The following WDR20 variants were observed in gnomAD, a reference collection of about 807,000 sequenced individuals.
The protein encoded by WDR20 is WD repeat-containing protein 20.
A neutral mutation model predicts 38.7 loss-of-function variants in WDR20; 3 were observed. The observed-to-expected ratio is 0.08, with a 90% CI of 0.04 to 0.20. WDR20 has a LOEUF of 0.20. Among genes scored for constraint, WDR20 ranks in the 10% least tolerant of loss-of-function variants. The pLI is 1.00. For synonymous variants in WDR20, 298 were observed against 285.6 expected, an observed-to-expected ratio of 1.04 and a Z score of -0.44; for missense variants, 559 against 727.7, an observed-to-expected ratio of 0.77 and a Z score of 2.67.
intron 1 of WDR20, among the ~76,000 whole-genome samples, chr14:102,151,437 C>G (rs1216986498): frequency 1.3e-5 from 2 of 151,934 alleles, no homozygotes; most frequent in Non-Finnish European, 2.9e-5. Context: ...ACTTTGTAGC[C>G]CAGGCTGGAG....
intron 1 of WDR20, among the ~76,000 whole-genome samples, chr14:102,181,880 G>A (rs1000035258): frequency 2.0e-4 from 30 of 152,078 alleles, no homozygotes; most frequent in Non-Finnish European, 5.9e-5. Context: ...AAGTGGGTTG[G>A]CCTGCTAACC....
At chr14:102,212,463 G>T, downstream of WDR20, 1 of 1,530,418 alleles carries the variant, frequency 6.5e-7, no homozygotes, top group African/African-American at 1.4e-5. Context: ...GGCCCTGCAG[G>T]GCGACACCAC....
At chr14:102,184,489 G>T (rs2064103384) in intron 1 of WDR20, among the ~76,000 whole-genome samples, 2 of 152,100 alleles carry the variant, frequency 1.3e-5, no homozygotes, top group East Asian at 3.9e-4. Flanking sequence ...TTGACTGAGG[G>T]TGCTAGGCCA....
At chr14:102,152,344 CAT>C (rs936233547) in intron 1 of WDR20, among the ~76,000 whole-genome samples, 30 of 151,756 alleles carry the variant, frequency 2.0e-4, no homozygotes, top group Admixed American at 9.9e-4. Context: ...TTATTAATAA[CAT>C]ATTAATCATG....
At chr14:102,151,292 G>A (rs892091740) in intron 1 of WDR20, among the ~76,000 whole-genome samples, 1 of 150,538 alleles carries the variant, frequency 6.6e-6, no homozygotes. Flanking sequence ...CCTCTTACAC[G>A]AGCTTTTCTG....
At chr14:102,143,931 C>T (rs866454758) in intron 1 of WDR20, among the ~76,000 whole-genome samples, 22 of 151,866 alleles carry the variant, frequency 1.4e-4, no homozygotes, top group South Asian at 1.3e-3. Context: ...AATCCCAGCA[C>T]TTTGGGAGAC....
intron 1 of WDR20, among the ~76,000 whole-genome samples, chr14:102,164,249 C>T (rs925216530): frequency 6.6e-6 from 1 of 152,120 alleles, no homozygotes; most frequent in Non-Finnish European, 1.5e-5. Context: ...TATTGACTTC[C>T]CAGCCACTTT....
chr14:102,199,063 C>T (rs1464439960), intron 2 of WDR20, among the ~76,000 whole-genome samples: 4 of 152,048 alleles, frequency 2.6e-5, no homozygotes, highest in African/African-American at 9.7e-5. Context: ...GGTCTGAGGC[C>T]TGATTATACT....
rs71395660 is a variant in WDR20 at position 102,200,467 on chromosome 14, TTGTGTGTGTGTGTGTG to T, written c.432+5373_432+5388del. Among the ~76,000 whole-genome samples the T allele has an allele frequency of 1.1e-3, 125 of 117,772 alleles. No individual in the cohort carries two copies. In the Middle Eastern group the frequency reaches 0.014, roughly 13 times the overall value. The allele number at this position is 117,772 out of a possible 152,430, so 77.3% of individuals were successfully genotyped here. Reference sequence around the variant, plus strand: ...GAGTTTACTTTTTAAATTTTTTTTTTTGTGTGTGTGTGTGTGTGTGTGTGTGTGTGTGTGTGTGTGT... The same window carrying T: ...GAGTTTACTTTTTAAATTTTTTTTTTTGTGTGTGTGTGTGTGTGTGTGTGT... On this transcript the variant is annotated intron_variant, in intron 2 of 2. Transcript: ENST00000342702.
chr14:102,183,358 G>A (rs1236901720), intron 1 of WDR20, among the ~76,000 whole-genome samples: 1 of 152,200 alleles, frequency 6.6e-6, no homozygotes, highest in African/African-American at 2.4e-5. Flanking sequence ...TTGGCCACTT[G>A]TTTTAGTAGC....
chr14:102,180,392 A>C (rs1412148027), intron 1 of WDR20, among the ~76,000 whole-genome samples: 1 of 151,838 alleles, frequency 6.6e-6, no homozygotes, highest in African/African-American at 2.4e-5. Flanking sequence ...GCTCTTAACC[A>C]CTCTTTAGAG....
At chr14:102,180,133 A>C (rs1444797925) in intron 1 of WDR20, among the ~76,000 whole-genome samples, 2 of 152,206 alleles carry the variant, frequency 1.3e-5, no homozygotes, top group East Asian at 3.8e-4. Context: ...CGACATAGCA[A>C]GACTGTCTCA....
chr14:102,209,669 A>G lies in WDR20; in HGVS notation c.1499A>G (p.Lys500Arg). ...KSSDKLNLVT[K>R]TKTDPAKTLG... The stretch of plus-strand genomic sequence containing the variant: ...AGTGACAAACTGAATCTAGTTACCA[A>G]AACCAAAACGGACCCTGCTAAAACT... Residue 500 changes from lysine (K) to arginine (R), a missense_variant, in exon 3 of 3, where the codon AAA becomes AGA. Transcript: ENST00000342702. This position sits in a 1 kb window ranked among gnomAD's most constrained non-coding sequence, Gnocchi z 6.0. The G allele has an allele frequency of 1.2e-6, 2 of 1,614,174 alleles. No homozygotes were observed. The highest frequency in any genetic ancestry group is 2.2e-5 in the South Asian group (2 of 91,080).
chr14:102,163,162 G>A (rs949599892), intron 1 of WDR20, among the ~76,000 whole-genome samples: 6 of 152,098 alleles, frequency 3.9e-5, no homozygotes, highest in Admixed American at 3.9e-4. Context: ...TGAGGGAGTG[G>A]GTTAGTTATT....
At chr14:102,174,538 G>A (rs1489934752) in intron 1 of WDR20, among the ~76,000 whole-genome samples, 1 of 152,152 alleles carries the variant, frequency 6.6e-6, no homozygotes, top group African/African-American at 2.4e-5. Context: ...TCCTGTCTCA[G>A]CCTCCCGAGT....
chr14:102,214,625 ATTG>A (rs1489538008), downstream of WDR20: 9 of 985,004 alleles, frequency 9.1e-6, no homozygotes, highest in Middle Eastern at 1.0e-3. Flanking sequence ...TTTATTAGAG[ATTG>A]TTATGTTAGG....
In WDR20 at chr14:102,195,132, CCT is replaced by C. The variant is rs370321551; in HGVS notation, c.432+13_432+14del. On this transcript the variant is annotated intron_variant, in intron 2 of 2. Coordinates refer to ENST00000342702, the MANE Select transcript of WDR20 (RefSeq NM_144574.4). ...TTTTTAATGAGGAAGTAAGTAGCACCCTGTCTTAGCTGTTAAGAATCCCTTTA... is the reference window on the plus strand; with the variant it reads ...TTTTTAATGAGGAAGTAAGTAGCACCGTCTTAGCTGTTAAGAATCCCTTTA... The C allele has an allele frequency of 4.2e-4, 685 of 1,612,926 alleles. 2 individuals carry two copies. In the East Asian group the frequency reaches 0.014, roughly 32 times the overall value.
At chr14:102,169,538 CTT>C (rs536962750) in intron 1 of WDR20, among the ~76,000 whole-genome samples, 1 of 149,756 alleles carries the variant, frequency 6.7e-6, no homozygotes, top group African/African-American at 2.4e-5. Flanking sequence ...TCTCAAGTAA[CTT>C]TTTTTTTTGA....
intron 1 of WDR20, among the ~76,000 whole-genome samples, chr14:102,193,814 G>A (rs1219890929): frequency 6.6e-6 from 1 of 152,050 alleles, no homozygotes; most frequent in Non-Finnish European, 1.5e-5. Context: ...GCCACACAGC[G>A]TGAACTGGGT....
Sources: allele counts gnomAD v4.1 joint callset (sites outside exome capture counted in the v4.1 genomes callset), GRCh38; gene constraint gnomAD v4.1.1; non-coding constraint Gnocchi (gnomAD v3.1); transcripts MANE v1.5; gene names NCBI Gene and HGNC (gene_info 2026-07-23, HGNC 2026-07-21).